Variants in SIAH3 observed in about 807,000 individuals in gnomAD.
SIAH3 encodes the protein seven in absentia homolog 3.
Under a neutral mutation model 12.6 loss-of-function variants are expected in SIAH3, and 9 were observed. The ratio of observed to expected loss-of-function variants is 0.72; its 90% CI spans 0.43 to 1.25. SIAH3 has a LOEUF of 1.25. Ranked by LOEUF, SIAH3 falls within the 50% of genes most tolerant of loss-of-function variation. The pLI, the probability that SIAH3 is intolerant of heterozygous loss-of-function variation, is 0.00. For synonymous variants in SIAH3, 154 were observed against 151.1 expected (o/e 1.02, Z -0.14); for missense variants, 390 against 365.4 (o/e 1.07, Z -0.55).
chr13:45,842,243 C>A (rs1950742597), intron 1 of SIAH3, among the ~76,000 whole-genome samples: 1 of 152,194 alleles, frequency 6.6e-6, no homozygotes, highest in Admixed American at 6.5e-5. Context: ...TTTTGTGCAT[C>A]AGGTAACATC....
At position 45,778,843 on chromosome 13, in the gene SIAH3, T is replaced by G. The variant is rs574999337; in HGVS notation, c.*4540A>C. The stretch of plus-strand genomic sequence containing the variant: ...GGTATTATAAGTACTCTAGAGATTA[T>G]TTAAAGTATATGGGAGGATTGCGTA... On this transcript the variant is annotated 3_prime_UTR_variant, in exon 2 of 2. Transcript: ENST00000400405. 1 of 152,302 alleles carries G rather than the reference T, an allele frequency of 6.6e-6. No homozygotes were observed. The highest frequency in any genetic ancestry group is 2.1e-4 in the South Asian group (1 of 4,830). 9.4% of individuals were successfully genotyped at this position (152,302 alleles called of 1,614,324 possible). A position where few individuals can be genotyped will look rare whatever the true frequency, so the allele number is the denominator to read the frequency against.
At chr13:45,804,963 AACACACACACACACACACAC>A (rs56315825) in intron 1 of SIAH3, among the ~76,000 whole-genome samples, 13 of 135,836 alleles carry the variant, frequency 9.6e-5, no homozygotes, top group South Asian at 2.5e-4. Flanking sequence ...TCCCATTTAT[AACACACACACACACACACAC>A]ACACACACAC....
At chr13:45,791,122 C>T (rs1950544383) in intron 1 of SIAH3, among the ~76,000 whole-genome samples, 1 of 151,816 alleles carries the variant, frequency 6.6e-6, no homozygotes, top group Non-Finnish European at 1.5e-5. Context: ...TGAGATCATG[C>T]CACTGCACTC....
At chr13:45,808,085 T>A (rs1444619185) in intron 1 of SIAH3, among the ~76,000 whole-genome samples, 1 of 151,826 alleles carries the variant, frequency 6.6e-6, no homozygotes, top group Non-Finnish European at 1.5e-5. Context: ...GGTGATGTTG[T>A]GTTGGTAGCT....
intron 1 of SIAH3, among the ~76,000 whole-genome samples, chr13:45,837,617 GAGGA>G (rs1350518152): frequency 2.4e-4 from 35 of 147,186 alleles, no homozygotes; most frequent in East Asian, 4.2e-4. Context: ...GGGAGGGAGG[GAGGA>G]AGGGAAGAAG....
chr13:45,840,249 C>A (rs116255274), intron 1 of SIAH3, among the ~76,000 whole-genome samples: 1,723 of 152,186 alleles, frequency 0.011, 31 homozygotes, highest in African/African-American at 0.038. Flanking sequence ...CAGAGGGAAA[C>A]TCTGGCCAAA....
At chr13:45,802,211 C>T (rs944593620) in intron 1 of SIAH3, among the ~76,000 whole-genome samples, 2 of 152,140 alleles carry the variant, frequency 1.3e-5, no homozygotes, top group Non-Finnish European at 2.9e-5. Context: ...GAGGCTGAGG[C>T]AAGAGAACCT....
intron 1 of SIAH3, among the ~76,000 whole-genome samples, chr13:45,847,286 G>C (rs1297134312): frequency 6.6e-6 from 1 of 152,220 alleles, no homozygotes; most frequent in Non-Finnish European, 1.5e-5. Flanking sequence ...ACAATGCTCA[G>C]GTCTTTACCT....
Position 45,781,554 on chromosome 13 carries a change from T to G in SIAH3, c.*1829A>C, listed in dbSNP as rs1443973487. The G allele has an allele frequency of 1.3e-5, 2 of 152,210 alleles. No homozygotes were observed. The highest frequency in any genetic ancestry group is 2.9e-5 in the Non-Finnish European group (2 of 68,026). 9.4% of individuals were successfully genotyped at this position (152,210 alleles called of 1,614,324 possible). On this transcript the variant is annotated 3_prime_UTR_variant, in exon 2 of 2. Transcript: ENST00000400405. ...CCAATCCTTTTTTGCGACTGCAGCA[T>G]CTGACATGTGCCTCCATCTGTGGCA...
chr13:45,838,485 C>T (rs899706950), intron 1 of SIAH3, among the ~76,000 whole-genome samples: 6 of 152,118 alleles, frequency 3.9e-5, no homozygotes, highest in South Asian at 2.1e-4. Context: ...CAGGGAGGCT[C>T]GCACAGGGCA....
intron 1 of SIAH3, among the ~76,000 whole-genome samples, chr13:45,833,917 C>T (rs1045767585): frequency 1.3e-4 from 20 of 151,874 alleles, no homozygotes; most frequent in African/African-American, 4.1e-4. Context: ...TTTCCTGAGG[C>T]GTCTGCACAG....
chr13:45,825,473 G>A (rs1299962135), intron 1 of SIAH3, among the ~76,000 whole-genome samples: 5 of 152,314 alleles, frequency 3.3e-5, no homozygotes, highest in Admixed American at 6.5e-5. Context: ...AGCCAGGAGC[G>A]CAGCCCCCAG....
chr13:45,826,515 G>C, intron 1 of SIAH3, among the ~76,000 whole-genome samples: 1 of 151,890 alleles, frequency 6.6e-6, no homozygotes, highest in African/African-American at 2.4e-5. Context: ...ATGGATGGAT[G>C]GATCAATCAA....
intron 1 of SIAH3, among the ~76,000 whole-genome samples, chr13:45,826,478 T>G (rs1950677634): frequency 7.2e-6 from 1 of 138,758 alleles, no homozygotes; most frequent in Non-Finnish European, 1.6e-5. Flanking sequence ...GATGGATGGA[T>G]GGATGGATGG....
rs531254095 is a variant in SIAH3 at position 45,801,098 on chromosome 13, G to A, written c.136-17041C>T. ...CACTGGGTGAAGTGATGGGTGGCGG[G>A]GGGGGGCATGGCTGTAGACGTTGCT... On this transcript the variant is annotated intron_variant, in intron 1 of 1. Transcript: ENST00000400405. Among the ~76,000 whole-genome samples the A allele has an allele frequency of 6.2e-4, 76 of 122,988 alleles. 4 individuals carry two copies. The East Asian group carries it at 0.012, about 19-fold the overall frequency. 80.7% of individuals were successfully genotyped at this position (122,988 alleles called of 152,430 possible). A position where few individuals can be genotyped will look rare whatever the true frequency, so the allele number is the denominator to read the frequency against.
chr13:45,824,788 C>T (rs985057237), intron 1 of SIAH3, among the ~76,000 whole-genome samples: 3 of 151,328 alleles, frequency 2.0e-5, no homozygotes, highest in Non-Finnish European at 4.4e-5. Context: ...CTTATTTGCT[C>T]TGAGCCTTAT....
At chr13:45,839,851 A>C (rs7322941) in intron 1 of SIAH3, among the ~76,000 whole-genome samples, 33,440 of 151,942 alleles carry the variant, frequency 0.22, 4,957 homozygotes, top group East Asian at 0.54. Flanking sequence ...ACAAACAAAC[A>C]AAAATCATTA....
At chr13:45,793,204 G>A (rs958799957) in intron 1 of SIAH3, among the ~76,000 whole-genome samples, 5 of 152,164 alleles carry the variant, frequency 3.3e-5, no homozygotes, top group African/African-American at 1.2e-4. Flanking sequence ...GCAGGTTGCT[G>A]GAACTGGTTA....
chr13:45,817,657 C>T (rs1452151287), intron 1 of SIAH3, among the ~76,000 whole-genome samples: 1 of 152,002 alleles, frequency 6.6e-6, no homozygotes, highest in Non-Finnish European at 1.5e-5. Context: ...GGATGCTGGC[C>T]TCGAAGACTG....
Sources: allele counts gnomAD v4.1 joint callset (sites outside exome capture counted in the v4.1 genomes callset), GRCh38; gene constraint gnomAD v4.1.1; transcripts MANE v1.5; gene names NCBI Gene and HGNC (gene_info 2026-07-23, HGNC 2026-07-21).